The following MLF1 variants were observed in gnomAD, a reference collection of about 807,000 sequenced individuals.
MLF1 encodes myelodysplasia-myeloid leukemia factor 1.
A neutral mutation model predicts 38.3 loss-of-function variants in MLF1; 37 were observed. The ratio of observed to expected loss-of-function variants is 0.96; its 90% CI spans 0.74 to 1.27. MLF1 has a LOEUF of 1.27. Ranked by LOEUF, MLF1 falls within the 50% of genes most tolerant of loss-of-function variation. The pLI, the probability that MLF1 is intolerant of heterozygous loss-of-function variation, is 0.00. For synonymous variants in MLF1, 95 were observed against 106.5 expected, an observed-to-expected ratio of 0.89 and a Z score of 0.66; for missense variants, 331 against 349.2, an observed-to-expected ratio of 0.95 and a Z score of 0.42.
chr3:158,575,591 TTAGGAACA>T (rs1715304135), intron 1 of MLF1, among the ~76,000 whole-genome samples: 1 of 152,154 alleles, frequency 6.6e-6, no homozygotes, highest in African/African-American at 2.4e-5. Flanking sequence ...TCCACTGACC[TTAGGAACA>T]TAGAGATGTG....
Position 158,599,382 on chromosome 3 carries a change from T to G in MLF1, c.454-632T>G, listed in dbSNP as rs142770033. On this transcript the variant is annotated intron_variant, in intron 5 of 7. Transcript: ENST00000466246. Reference sequence around the variant, plus strand: ...CCTTGTTAGTACTTATAGTAAAAATTTAGGTTTACCAATCTAATGAATGTG... The same window carrying G: ...CCTTGTTAGTACTTATAGTAAAAATGTAGGTTTACCAATCTAATGAATGTG... 5.1e-3 allele frequency among the ~76,000 whole-genome samples: 774 copies of G among 152,332 alleles called. 12 individuals are homozygous for G. Among genetic ancestry groups the G allele is most frequent in the African/African-American group, 0.018 (745 of 41,576 alleles).
intron 1 of MLF1, among the ~76,000 whole-genome samples, chr3:158,591,823 T>C (rs1718195969): frequency 6.7e-6 from 1 of 148,294 alleles, no homozygotes; most frequent in Non-Finnish European, 1.5e-5. Context: ...GGTATTTTTA[T>C]GCAATATGGG....
At position 158,592,601 on chromosome 3, in the gene MLF1, ACAGT is replaced by A; in HGVS notation, c.195+21_195+24del. The A allele has an allele frequency of 6.4e-7, 1 of 1,566,818 alleles. No homozygotes were observed. Among genetic ancestry groups the A allele is most frequent in the Non-Finnish European group, 8.6e-7 (1 of 1,160,042 alleles). On this transcript the variant is annotated intron_variant, in intron 2 of 7. Coordinates refer to ENST00000466246, the MANE Select transcript of MLF1 (RefSeq NM_001369783.1). The stretch of plus-strand genomic sequence containing the variant: ...TTGACTGTAAGTTCTTTTTTTTAAG[ACAGT>A]TAGTGAGAAGGCCCTGTAGGAATTT...
intron 5 of MLF1, among the ~76,000 whole-genome samples, chr3:158,599,417 A>AT (rs1427078553): frequency 6.6e-6 from 1 of 152,172 alleles, no homozygotes; most frequent in East Asian, 1.9e-4. Flanking sequence ...GAAGTAGTAC[A>AT]TTTTTTAGTT....
intron 1 of MLF1, among the ~76,000 whole-genome samples, chr3:158,583,225 T>G (rs746327921): frequency 6.6e-6 from 1 of 152,188 alleles, no homozygotes; most frequent in South Asian, 2.1e-4. Context: ...CACTTTCTTT[T>G]TGGATGATAG....
intron 1 of MLF1, among the ~76,000 whole-genome samples, chr3:158,577,238 A>G (rs954244696): frequency 3.9e-5 from 6 of 152,332 alleles, no homozygotes; most frequent in South Asian, 2.1e-4. Context: ...AATGTATTCT[A>G]TGTACAAGAT....
chr3:158,591,267 C>A, intron 1 of MLF1: 1 of 411,344 alleles, frequency 2.4e-6, no homozygotes, highest in South Asian at 1.8e-5. Flanking sequence ...TCAAGCAATT[C>A]TCCTGCCTCA....
In MLF1 at chr3:158,591,334, A is replaced by AT. The variant is rs563954450; in HGVS notation, c.48-1095dup. Among the ~76,000 whole-genome samples, 6 of 151,700 alleles carry AT rather than the reference A, an allele frequency of 4.0e-5. No individual in the cohort carries two copies. The South Asian group carries it at 1.3e-3, about 32-fold the overall frequency. On this transcript the variant is annotated intron_variant, in intron 1 of 7. Coordinates refer to ENST00000466246, the MANE Select transcript of MLF1 (RefSeq NM_001369783.1). ...GTCACCACACCCGGCTAATTTTTGT[A>AT]TTTTTAGTAGAGATGGGGTTTTACC...
At chr3:158,601,709 A>G (rs1719780525) in intron 6 of MLF1, among the ~76,000 whole-genome samples, 1 of 151,146 alleles carries the variant, frequency 6.6e-6, no homozygotes, top group Non-Finnish European at 1.5e-5. Flanking sequence ...GTGAGCCAAG[A>G]TCACGCATTG....
intron 2 of MLF1, among the ~76,000 whole-genome samples, chr3:158,593,055 T>G (rs1272850047): frequency 1.3e-5 from 2 of 152,070 alleles, no homozygotes; most frequent in Admixed American, 6.6e-5. Context: ...TGCTTGTATC[T>G]CAAAAGCCTT....
At chr3:158,603,073 T>A in intron 7 of MLF1, 134 bp downstream of exon 7, 1 of 704,158 alleles carries the variant, frequency 1.4e-6, no homozygotes, top group South Asian at 2.6e-5. Context: ...AAAGATGTAA[T>A]AATTTTATAT....
intron 1 of MLF1, among the ~76,000 whole-genome samples, chr3:158,586,464 G>T (rs933401303): frequency 2.0e-5 from 3 of 152,100 alleles, no homozygotes; most frequent in Non-Finnish European, 2.9e-5. Flanking sequence ...AGTGTGAAAT[G>T]AATTTAGACG....
Position 158,600,166 on chromosome 3 carries a change from G to A in MLF1, c.606G>A (p.Met202Ile). 1 of 1,426,618 alleles carries A rather than the reference G, an allele frequency of 7.0e-7. No individual in the cohort carries two copies. Among genetic ancestry groups the A allele is most frequent in the Non-Finnish European group, 9.2e-7 (1 of 1,085,936 alleles). The allele number at this position is 1,426,618 out of a possible 1,614,324, so 88.4% of individuals were successfully genotyped here. Residue 202 changes from methionine to isoleucine, a missense_variant, in exon 6 of 8, where the codon ATG (methionine) becomes ATA (isoleucine). By Grantham distance (10) the Met-to-Ile change is conservative. Transcript: ENST00000466246. ...AGGTCAACCAGGAGTTCATCAATAT[G>A]AATGAAAGTAAGTTATCACAAAAAA... The part of the protein sequence containing the change: ...DEEVNQEFIN[M>I]NESDAHAFDE...
At chr3:158,581,057 C>A (rs375825711) in intron 1 of MLF1, among the ~76,000 whole-genome samples, 1 of 152,244 alleles carries the variant, frequency 6.6e-6, no homozygotes. Context: ...AGCAGAGAAT[C>A]GAGGTCACAG....
chr3:158,588,391 A>ACATT (rs1717584379), intron 1 of MLF1, among the ~76,000 whole-genome samples: 1 of 152,104 alleles, frequency 6.6e-6, no homozygotes, highest in Non-Finnish European at 1.5e-5. Context: ...TCAGAATAAC[A>ACATT]CATTGATTGA....
chr3:158,583,050 TCTC>T (rs1716660581), intron 1 of MLF1: 2 of 513,166 alleles, frequency 3.9e-6, no homozygotes, highest in South Asian at 5.9e-5. Context: ...CTTATATTCT[TCTC>T]CTTCCCTTTC....
At chr3:158,574,505 T>TAAAAAAAAAAAAAAAAA (rs758915813) in intron 1 of MLF1, among the ~76,000 whole-genome samples, 5 of 91,392 alleles carry the variant, frequency 5.5e-5, no homozygotes, top group African/African-American at 2.9e-4. Context: ...CCATCTGTAC[T>TAAAAAAAAAAAAAAAAA]AAAAAAAAAA....
At chr3:158,592,730 A>G in intron 2 of MLF1, 149 bp downstream of exon 2, 2 of 648,536 alleles carry the variant, frequency 3.1e-6, no homozygotes, top group Non-Finnish European at 4.8e-6. Context: ...ACCTTTGGAA[A>G]GGTGAATCCT....
chr3:158,590,991 A>G (rs1241756023), intron 1 of MLF1: 1 of 422,734 alleles, frequency 2.4e-6, no homozygotes, highest in Non-Finnish European at 4.6e-6. Context: ...TTAACCTCCA[A>G]GGTAATGTGT....
Sources: gnomAD v4.1 joint callset for allele counts (sites outside exome capture counted in the v4.1 genomes callset) on GRCh38, gnomAD v4.1.1 for gene constraint, MANE v1.5 for transcripts, NCBI Gene and HGNC (gene_info 2026-07-23, HGNC 2026-07-21) for gene names.